Variants in FAM185A observed in about 807,000 individuals in gnomAD.
FAM185A encodes protein FAM185A.
A neutral mutation model predicts 45.7 loss-of-function variants in FAM185A; 21 were observed. The ratio of observed to expected loss-of-function variants is 0.46; its 90% CI spans 0.33 to 0.66. FAM185A has a LOEUF of 0.66. Among genes scored for constraint, FAM185A ranks in the 30% least tolerant of loss-of-function variants. The pLI, the probability that FAM185A is intolerant of heterozygous loss-of-function variation, is 0.03. For missense variants in FAM185A, 305 were observed against 485.4 expected (o/e 0.63, Z 3.49); for synonymous variants, 117 against 194.0 (o/e 0.60, Z 3.30).
downstream of FAM185A, among the ~76,000 whole-genome samples, chr7:102,814,052 G>T (rs1214552735): frequency 2.0e-5 from 3 of 152,018 alleles, no homozygotes; most frequent in African/African-American, 7.2e-5. Context: ...TGACTCAAAG[G>T]TGTCACAACA....
chr7:102,844,210 G>A, the FAM185A span, among the ~76,000 whole-genome samples: 3 of 152,200 alleles, frequency 2.0e-5, no homozygotes, highest in Non-Finnish European at 4.4e-5. Flanking sequence ...TAACTTCAGA[G>A]TCATTTATTA....
At chr7:102,834,361 C>T in the FAM185A span, among the ~76,000 whole-genome samples, 2 of 145,156 alleles carry the variant, frequency 1.4e-5, no homozygotes, top group South Asian at 2.1e-4. Flanking sequence ...ACTAAAGATA[C>T]TTCTTATTTA....
At chr7:102,802,752 A>G (rs1796870755) in intron 7 of FAM185A, among the ~76,000 whole-genome samples, 1 of 152,144 alleles carries the variant, frequency 6.6e-6, no homozygotes, top group Non-Finnish European at 1.5e-5. Flanking sequence ...ACAGAAGATA[A>G]AAACAAAATG....
At chr7:102,762,568 T>C (rs1562848868) in intron 4 of FAM185A, among the ~76,000 whole-genome samples, 1 of 152,206 alleles carries the variant, frequency 6.6e-6, no homozygotes, top group East Asian at 1.9e-4. Context: ...CTGTACACTC[T>C]GGCAAAACTC....
chr7:102,807,163 G>A (rs1797168075), intron 7 of FAM185A, among the ~76,000 whole-genome samples: 1 of 151,920 alleles, frequency 6.6e-6, no homozygotes, highest in African/African-American at 2.4e-5. Flanking sequence ...GTGCCGCAAA[G>A]CTGATCAGTG....
At chr7:102,815,580 T>G in the FAM185A span, among the ~76,000 whole-genome samples, 1 of 152,148 alleles carries the variant, frequency 6.6e-6, no homozygotes, top group Non-Finnish European at 1.5e-5. Flanking sequence ...AATCATTCAA[T>G]GCCACTGATG....
intron 3 of FAM185A, among the ~76,000 whole-genome samples, chr7:102,758,251 TG>T (rs1233102155): frequency 6.6e-6 from 1 of 152,102 alleles, no homozygotes; most frequent in Non-Finnish European, 1.5e-5. Flanking sequence ...TTAAAATAGA[TG>T]ATTAAGTAAT....
At chr7:102,822,259 C>G in the FAM185A span, 1 of 1,547,862 alleles carries the variant, frequency 6.5e-7, no homozygotes. Context: ...CAGGGAAGAA[C>G]AGTGCCTTAG....
rs563581820 is a variant in FAM185A, at chr7:102,776,190, C to T, written c.836-1063C>T. 2.6e-3 allele frequency among the ~76,000 whole-genome samples: 387 copies of T among 148,870 alleles called. 3 individuals carry two copies. The highest frequency in any genetic ancestry group is 9.1e-3 in the African/African-American group (359 of 39,486). ...TTCACCACACTCCCTACTTTGTTTC[C>T]ACTTTGAAGTAATAAAACCTCCTGA... On this transcript the variant is annotated intron_variant, in intron 5 of 7. Transcript: ENST00000413034.
At chr7:102,801,751 C>T (rs1796804305) in intron 7 of FAM185A, among the ~76,000 whole-genome samples, 1 of 151,974 alleles carries the variant, frequency 6.6e-6, no homozygotes, top group African/African-American at 2.4e-5. Context: ...ATGGTGAAAC[C>T]CTGTCTCTAC....
intron 3 of FAM185A, among the ~76,000 whole-genome samples, chr7:102,758,887 T>C (rs1793941678): frequency 6.6e-6 from 1 of 151,558 alleles, no homozygotes; most frequent in Admixed American, 6.6e-5. Context: ...TGGGGAGGAG[T>C]TGTGAGCACA....
At chr7:102,766,017 C>T (rs1035539809) in intron 4 of FAM185A, among the ~76,000 whole-genome samples, 58 of 152,066 alleles carry the variant, frequency 3.8e-4, no homozygotes, top group Non-Finnish European at 5.0e-4. Context: ...ATGTATAATA[C>T]ATGCATATAT....
the FAM185A span, among the ~76,000 whole-genome samples, chr7:102,826,406 C>T: frequency 6.6e-6 from 1 of 151,848 alleles, no homozygotes; most frequent in African/African-American, 2.4e-5. Context: ...TTTTAAACCC[C>T]TGAACTGTGG....
chr7:102,848,535 G>A, the FAM185A span, among the ~76,000 whole-genome samples: 6 of 29,904 alleles, frequency 2.0e-4, 1 homozygote, highest in East Asian at 4.6e-3. Flanking sequence ...CAGCCTGGGC[G>A]ACAGAGCGAG....
intron 7 of FAM185A, among the ~76,000 whole-genome samples, chr7:102,807,210 G>C (rs745403589): frequency 6.6e-6 from 1 of 151,944 alleles, no homozygotes; most frequent in Non-Finnish European, 1.5e-5. Context: ...GACAGGAAGG[G>C]AGGGGCATGA....
At chr7:102,819,605 A>G in the FAM185A span, among the ~76,000 whole-genome samples, 2 of 152,196 alleles carry the variant, frequency 1.3e-5, no homozygotes, top group South Asian at 2.1e-4. Context: ...GGGCTGCATC[A>G]TACATTGTTT....
intron 4 of FAM185A, among the ~76,000 whole-genome samples, chr7:102,765,335 T>C (rs947680540): frequency 5.9e-5 from 9 of 152,178 alleles, no homozygotes; most frequent in Non-Finnish European, 1.3e-4. Context: ...AGATGTTCCA[T>C]ACAGTGTTTG....
chr7:102,848,417 G>A, the FAM185A span, among the ~76,000 whole-genome samples: 2,350 of 99,488 alleles, frequency 0.024, 399 homozygotes, highest in South Asian at 0.035. Context: ...TTAGCCGGGC[G>A]TAGTGGCGGG....
Position 102,749,339 on chromosome 7 carries a change from C to G in FAM185A, c.132C>G (p.Ser44Arg), listed in dbSNP as rs765407128. ...CCAGGCCGTACAGCTCAGGTGGGAGCGAGCGCTGGCCCGGATCGGAGACTG... is the reference window on the plus strand; with the variant it reads ...CCAGGCCGTACAGCTCAGGTGGGAGGGAGCGCTGGCCCGGATCGGAGACTG... Reference protein sequence around the residue: ...CQARPYSSGGSERWPGSETEV... With the variant: ...CQARPYSSGGRERWPGSETEV... Residue 44 changes from serine (S) to arginine (R), a missense_variant, in exon 1 of 8, where the codon AGC becomes AGG. Coordinates refer to ENST00000413034, the MANE Select transcript of FAM185A (RefSeq NM_001145268.2). 211 of 1,549,262 alleles carry G rather than the reference C, an allele frequency of 1.4e-4. No individual in the cohort carries two copies. Among genetic ancestry groups the G allele is most frequent in the Non-Finnish European group, 1.7e-4 (197 of 1,146,740 alleles).
Sources: gnomAD v4.1 joint callset for allele counts (sites outside exome capture counted in the v4.1 genomes callset) on GRCh38, gnomAD v4.1.1 for gene constraint, MANE v1.5 for transcripts, NCBI Gene and HGNC (gene_info 2026-07-23, HGNC 2026-07-21) for gene names.